The following RRP1B variants were observed in gnomAD, a reference collection of about 807,000 sequenced individuals.
RRP1B encodes the protein ribosomal RNA processing protein 1 homolog B.
A neutral mutation model predicts 80.2 loss-of-function variants in RRP1B; 56 were observed. The ratio of observed to expected loss-of-function variants is 0.70; its 90% CI spans 0.56 to 0.87. The LOEUF (loss-of-function observed/expected upper bound fraction) is 0.87. Ranked by LOEUF, RRP1B falls within the 40% of genes least tolerant of loss-of-function variation. RRP1B has a pLI of 0.00. For synonymous variants in RRP1B, 351 were observed against 357.6 expected (o/e 0.98, Z 0.21); for missense variants, 807 against 939.8 (o/e 0.86, Z 1.85).
At position 43,659,908 on chromosome 21, in the gene RRP1B, GCGTGTGCTT is replaced by G. The variant is rs1256756386; in HGVS notation, c.130+117_130+125del. ...CTTCCACGTGTTGTCGTGACACCCA[GCGTGTGCTT>G]CGGTTTCCGCGCTGCCGGAACCGCT... is the stretch of plus-strand genomic sequence containing the variant. On this transcript the variant is annotated intron_variant, in intron 1 of 15. Transcript: ENST00000340648. This position sits in a 1 kb window ranked among gnomAD's most constrained non-coding sequence, Gnocchi z 4.2. 1.0e-5 allele frequency: 12 copies of G among 1,204,914 alleles called. No homozygotes were observed. Among genetic ancestry groups the G allele is most frequent in the Non-Finnish European group, 1.3e-5 (12 of 923,816 alleles). The allele number at this position is 1,204,914 out of a possible 1,614,324, so 74.6% of individuals were successfully genotyped here.
chr21:43,690,362 C>A lies in RRP1B; in HGVS notation c.1941C>A (p.Thr647=). The change falls in exon 14 of 16, where the codon ACC becomes ACA. Residue 647 remains threonine, a synonymous_variant. Transcript: ENST00000340648. ...AGAGCGACTTTGTGAAGTTTGACAC[C>A]CCCTTCTTACCAAAGCCCCTGTTCT... ...RAESDFVKFD[T]PFLPKPLFFR... is the part of the protein sequence containing the mutation. 6.2e-7 allele frequency: 1 copy of A among 1,614,190 alleles called. No homozygotes were observed. The highest frequency in any genetic ancestry group is 8.5e-7 in the Non-Finnish European group (1 of 1,180,030).
chr21:43,672,516 GCA>G, intron 3 of RRP1B, 151 bp downstream of exon 3: 1 of 672,988 alleles, frequency 1.5e-6, no homozygotes, highest in Admixed American at 2.4e-5. Context: ...TGGTGAGAGG[GCA>G]CAGTGTCTTG....
chr21:43,673,432 G>A (rs557356504), intron 3 of RRP1B, among the ~76,000 whole-genome samples: 1 of 152,242 alleles, frequency 6.6e-6, no homozygotes, highest in Admixed American at 6.5e-5. Flanking sequence ...TCAGGAGTTT[G>A]AGACCAGCCT....
chr21:43,674,610 T>TTTTTTTA, intron 4 of RRP1B, 26 bp from the exon 5 acceptor site: 1 of 1,455,276 alleles, frequency 6.9e-7, no homozygotes, highest in Non-Finnish European at 9.3e-7. Flanking sequence ...TTTTTTTTTT[T>TTTTTTTA]TTAAACAAAA....
At chr21:43,672,251 G>T in intron 2 of RRP1B, 57 bp from the exon 3 acceptor site, 1 of 1,495,418 alleles carries the variant, frequency 6.7e-7, no homozygotes, top group Non-Finnish European at 9.3e-7. Flanking sequence ...CGCGGCACAG[G>T]CATCTCATGT....
At chr21:43,667,748 T>TA (rs1330103103) in intron 1 of RRP1B, among the ~76,000 whole-genome samples, 2 of 152,200 alleles carry the variant, frequency 1.3e-5, no homozygotes, top group Admixed American at 6.5e-5. Flanking sequence ...ATACCATACT[T>TA]ACATTATCCA....
At chr21:43,683,646 T>G (rs866271675) in intron 9 of RRP1B, among the ~76,000 whole-genome samples, 50 of 152,032 alleles carry the variant, frequency 3.3e-4, no homozygotes, top group African/African-American at 1.1e-3. Flanking sequence ...GTGGCACTTT[T>G]CAAATAAAAA....
chr21:43,682,574 C>A (rs1456315555), intron 8 of RRP1B, among the ~76,000 whole-genome samples: 2 of 152,236 alleles, frequency 1.3e-5, no homozygotes, highest in Non-Finnish European at 2.9e-5. Flanking sequence ...TGACCTGAGA[C>A]TAGGGCCGGA....
At chr21:43,674,568 T>G in intron 4 of RRP1B, 68 bp from the exon 5 acceptor site, 1 of 1,218,264 alleles carries the variant, frequency 8.2e-7, no homozygotes, top group South Asian at 1.4e-5. Context: ...CTGAGCTGAT[T>G]AATATTTCTT....
Position 43,690,450 on chromosome 21 carries a change from C to T in RRP1B, c.2019+10C>T, listed in dbSNP as rs1369287968. ...AGGCCCTGCCGTCCAGGTACGCACC[C>T]TCCCCAGAGTGGCACAGCACATTTC... On this transcript the variant is annotated intron_variant, in intron 14 of 15. Transcript: ENST00000340648. 3 of 1,613,180 alleles carry T rather than the reference C, an allele frequency of 1.9e-6. No individual in the cohort carries two copies. In the Admixed American group the frequency reaches 5.0e-5, roughly 27 times the overall value.
rs1283514411 is a variant in RRP1B at position 43,694,950 on chromosome 21, A to C, written c.*1567A>C. On this transcript the variant is annotated 3_prime_UTR_variant, in exon 16 of 16. Coordinates refer to ENST00000340648, the MANE Select transcript of RRP1B (RefSeq NM_015056.3). ...TGACTCACTGATGAAGGCCCTGGTG[A>C]GGAGAAAGCACTCTGTTCTTCGCCT... The C allele has an allele frequency of 6.6e-6, 1 of 152,198 alleles. No homozygotes were observed. Among genetic ancestry groups the C allele is most frequent in the Non-Finnish European group, 1.5e-5 (1 of 68,038 alleles). 9.4% of individuals were successfully genotyped at this position (152,198 alleles called of 1,614,324 possible). A position where few individuals can be genotyped will look rare whatever the true frequency, so the allele number is the denominator to read the frequency against.
rs181096254 is a variant in RRP1B, at chr21:43,686,675, G to A, written c.1010-129G>A. ...TAATTCCTGTGTCAGCAGCGCTCAGGTTTGGGTGGGAGAAACGGTGAGGAA... is the reference window on the plus strand; with the variant it reads ...TAATTCCTGTGTCAGCAGCGCTCAGATTTGGGTGGGAGAAACGGTGAGGAA... On this transcript the variant is annotated intron_variant, in intron 11 of 15. Transcript: ENST00000340648. 222 of 1,084,050 alleles carry A rather than the reference G, an allele frequency of 2.0e-4. 2 individuals carry two copies. The African/African-American group carries it at 3.3e-3, about 16-fold the overall frequency. 67.2% of individuals were successfully genotyped at this position (1,084,050 alleles called of 1,614,324 possible). A position where few individuals can be genotyped will look rare whatever the true frequency, so the allele number is the denominator to read the frequency against.
Position 43,676,938 on chromosome 21 carries a change from G to C in RRP1B, c.796+24G>C, listed in dbSNP as rs1451849817. On this transcript the variant is annotated intron_variant, in intron 8 of 15. Transcript: ENST00000340648. ...AGGTAGGAGGATGTTCTTGGTCAGT[G>C]TAGCTTTCTTTCTGCTAAAATCCTC... The C allele has an allele frequency of 1.9e-6, 3 of 1,604,300 alleles. No homozygotes were observed. The East Asian group carries it at 6.7e-5, about 36-fold the overall frequency.
rs750100967 is a variant in RRP1B at position 43,687,576 on chromosome 21, GGAAGAA to G, written c.1213_1218del (p.Lys405_Lys406del). 22 of 1,507,258 alleles carry G rather than the reference GGAAGAA, an allele frequency of 1.5e-5. No homozygotes were observed. Among genetic ancestry groups the G allele is most frequent in the Admixed American group, 2.3e-5 (1 of 44,048 alleles). 93.4% of individuals were successfully genotyped at this position (1,507,258 alleles called of 1,614,324 possible). On this transcript the variant is annotated inframe_deletion, in exon 13 of 16. Coordinates refer to ENST00000340648, the MANE Select transcript of RRP1B (RefSeq NM_015056.3). ...GAAAGCAGTCTTCAAAAGAGAAGAA[GGAAGAA>G]GAAGAAGAAGCACCACCTGCAGCCT...
rs745466396 is a variant in RRP1B, at chr21:43,687,782, A to T, written c.1408A>T (p.Asn470Tyr). 6.2e-7 allele frequency: 1 copy of T among 1,613,306 alleles called. No homozygotes were observed. Residue 470 changes from asparagine (N) to tyrosine (Y), a missense_variant, in exon 13 of 16, where the codon AAT becomes TAT. Asn to Tyr is a moderately radical substitution (Grantham distance 143, BLOSUM62 -2). Transcript: ENST00000340648. The stretch of plus-strand genomic sequence containing the variant: ...GCATCCTCCAGCCGTCCCCATGCAC[A>T]ATAAAAGGAAACGGCCACGGAAGAA... ...SEHPPAVPMH[N>Y]KRKRPRKKSP...
In RRP1B at chr21:43,687,699, G is replaced by T; in HGVS notation, c.1325G>T (p.Arg442Leu). 6 of 1,610,468 alleles carry T rather than the reference G, an allele frequency of 3.7e-6. No homozygotes were observed. The highest frequency in any genetic ancestry group is 5.1e-6 in the Non-Finnish European group (6 of 1,178,074). The change falls in exon 13 of 16, where the codon CGT becomes CTT. Residue 442 changes from arginine to leucine, a missense_variant. By Grantham distance (102) the Arg-to-Leu change is moderately radical. Coordinates refer to ENST00000340648, the MANE Select transcript of RRP1B (RefSeq NM_015056.3). ...EASGLKALKARVAEPGAEATS... is the reference protein window; with the variant it reads ...EASGLKALKALVAEPGAEATS... ...TCTGGGCTGAAAGCCCTGAAGGCACGTGTGGCCGAGCCAGGTGCAGAGGCC... is the reference window on the plus strand; with the variant it reads ...TCTGGGCTGAAAGCCCTGAAGGCACTTGTGGCCGAGCCAGGTGCAGAGGCC...
rs756533049 is a variant in RRP1B at position 43,687,727 on chromosome 21, G to A, written c.1353G>A (p.Thr451=). The A allele has an allele frequency of 3.7e-5, 59 of 1,613,126 alleles. No homozygotes were observed. Among genetic ancestry groups the A allele is most frequent in the Middle Eastern group, 1.7e-4 (1 of 6,054 alleles). ...ARVAEPGAEA[T]SSTGEESGSE... ...TGGCCGAGCCAGGTGCAGAGGCCAC[G>A]TCCAGCACTGGGGAGGAGAGTGGCT... The change falls in exon 13 of 16, where the codon ACG becomes ACA. Residue 451 remains threonine, a synonymous_variant. Transcript: ENST00000340648.
chr21:43,675,050 T>C lies in RRP1B; in HGVS notation c.436T>C (p.Leu146=), dbSNP rs200293735. 114 of 1,614,068 alleles carry C rather than the reference T, an allele frequency of 7.1e-5. No individual in the cohort carries two copies. The African/African-American group carries it at 1.0e-3, about 15-fold the overall frequency. ...GTTCTTTAGCCGAATCAAGGTTTTCTTGGATGTCCTGATGAAGGAGGTCCT... is the reference window on the plus strand; with the variant it reads ...GTTCTTTAGCCGAATCAAGGTTTTCCTGGATGTCCTGATGAAGGAGGTCCT... ...GWEESRIKVF[L]DVLMKEVLCP... Residue 146 remains leucine, a synonymous_variant, in exon 6 of 16, where the codon TTG becomes CTG. Transcript: ENST00000340648.
At chr21:43,664,411 T>C (rs1030683623) in intron 1 of RRP1B, among the ~76,000 whole-genome samples, 1 of 152,234 alleles carries the variant, frequency 6.6e-6, no homozygotes, top group Non-Finnish European at 1.5e-5. Context: ...CAATTATTAT[T>C]GTAATCTCTC....
Sources: allele counts gnomAD v4.1 joint callset (sites outside exome capture counted in the v4.1 genomes callset), GRCh38; gene constraint gnomAD v4.1.1; non-coding constraint Gnocchi (gnomAD v3.1); transcripts MANE v1.5; gene names NCBI Gene and HGNC (gene_info 2026-07-23, HGNC 2026-07-21).